DISC1: variants seen among roughly 807,000 people sequenced by gnomAD.
The protein encoded by DISC1 is DISC1 scaffold protein.
A neutral mutation model predicts 84.5 loss-of-function variants in DISC1; 57 were observed. That is an observed-to-expected ratio of 0.67 (90% CI 0.55 to 0.84). The LOEUF is 0.84. Among genes scored for constraint, DISC1 ranks in the 40% least tolerant of loss-of-function variants. The probability of loss-of-function intolerance (pLI) is 0.00; values close to 1 mark genes in which losing one functional copy is unlikely to be tolerated. For missense variants in DISC1, 1,000 were observed against 1,057.8 expected (o/e 0.95, Z 0.76); for synonymous variants, 411 against 415.2 (o/e 0.99, Z 0.12).
At chr1:231,775,576 G>T (rs2076900826) in intron 6 of DISC1, among the ~76,000 whole-genome samples, 1 of 152,192 alleles carries the variant, frequency 6.6e-6, no homozygotes, top group African/African-American at 2.4e-5. Flanking sequence ...TTTTTGAGTA[G>T]AGCCAACAAA....
chr1:231,723,540 G>A (rs56117573), intron 3 of DISC1: 86 of 985,402 alleles, frequency 8.7e-5, no homozygotes, highest in Non-Finnish European at 1.0e-4. Flanking sequence ...ATTTCATATA[G>A]CATGTCTGTT....
In DISC1 at chr1:231,899,458, A is replaced by G. The variant is rs534135905; in HGVS notation, c.1982-59370A>G. On this transcript the variant is annotated intron_variant, in intron 9 of 12. Coordinates refer to ENST00000439617, the MANE Select transcript of DISC1 (RefSeq NM_018662.3). ...TATACATTGGCCCCTTGGCTCATCAAAAGGGTCTTGGTCTATGCTTTGATC... is the reference window on the plus strand; with the variant it reads ...TATACATTGGCCCCTTGGCTCATCAGAAGGGTCTTGGTCTATGCTTTGATC... 3.3e-5 allele frequency among the ~76,000 whole-genome samples: 5 copies of G among 152,296 alleles called. No individual in the cohort carries two copies. In the South Asian group the frequency reaches 1.0e-3, roughly 32 times the overall value.
At position 231,630,219 on chromosome 1, in the gene DISC1, G is replaced by T. The variant is rs529943015; in HGVS notation, c.67+3285G>T. ...GCTGGGATTACAGGCATGAGCCACT[G>T]CGCCGGGCCCTTTAAACAAGATTTA... On this transcript the variant is annotated intron_variant, in intron 1 of 12. Coordinates refer to ENST00000439617, the MANE Select transcript of DISC1 (RefSeq NM_018662.3). This position sits in a 1 kb window ranked among gnomAD's most constrained non-coding sequence, Gnocchi z 4.4. Among the ~76,000 whole-genome samples, 22 of 152,254 alleles carry T rather than the reference G, an allele frequency of 1.4e-4. No individual in the cohort carries two copies. The East Asian group carries it at 4.1e-3, about 28-fold the overall frequency.
intron 3 of DISC1, among the ~76,000 whole-genome samples, chr1:231,710,865 G>T (rs955104259): frequency 6.6e-6 from 1 of 152,126 alleles, no homozygotes; most frequent in African/African-American, 2.4e-5. Context: ...TCCAACATAT[G>T]AATATTGCAG....
chr1:231,694,362 T>C lies in DISC1; in HGVS notation c.604T>C (p.Ser202Pro), dbSNP rs773346712. The C allele has an allele frequency of 5.6e-6, 9 of 1,614,212 alleles. No individual in the cohort carries two copies. In the South Asian group the frequency reaches 9.9e-5, roughly 18 times the overall value. ...GPEVPPTPPGSHSAFTSSFSF... is the reference protein window; with the variant it reads ...GPEVPPTPPGPHSAFTSSFSF... ...TGAGGTCCCCCCAACCCCTCCTGGC[T>C]CTCACAGTGCCTTTACCTCAAGCTT... Residue 202 changes from serine (S) to proline (P), a missense_variant, in exon 2 of 13, where the codon TCT (serine) becomes CCT (proline). Physicochemically the swap from Ser to Pro is moderately conservative, Grantham distance 74 (BLOSUM62 -1). This residue lies in a region of DISC1 where 292 missense variants were observed against 280.2 expected (regional missense o/e 1.04). Transcript: ENST00000439617.
chr1:231,678,802 A>T (rs1242980643), intron 1 of DISC1, among the ~76,000 whole-genome samples: 1 of 152,138 alleles, frequency 6.6e-6, no homozygotes, highest in Non-Finnish European at 1.5e-5. Context: ...AGTAGCTGGG[A>T]CTACAGGCGC....
At chr1:231,866,247 G>A (rs569455300) in intron 9 of DISC1, among the ~76,000 whole-genome samples, 6 of 152,264 alleles carry the variant, frequency 3.9e-5, no homozygotes, top group Non-Finnish European at 8.8e-5. Context: ...CCGGGCCCTA[G>A]AGAACCAGAA....
At chr1:231,795,528 A>T (rs1319760911) in intron 7 of DISC1, among the ~76,000 whole-genome samples, 1 of 152,212 alleles carries the variant, frequency 6.6e-6, no homozygotes, top group Admixed American at 6.5e-5. Flanking sequence ...CCTTTGCTAC[A>T]AAAGGAGCTG....
At chr1:231,762,863 G>A (rs1401831769) in intron 4 of DISC1, among the ~76,000 whole-genome samples, 6 of 152,088 alleles carry the variant, frequency 3.9e-5, no homozygotes, top group Admixed American at 6.5e-5. Context: ...CCCATAGTTC[G>A]CTCCATAGGG....
chr1:231,697,272 C>T (rs1028318904), intron 2 of DISC1, among the ~76,000 whole-genome samples: 14 of 152,186 alleles, frequency 9.2e-5, no homozygotes, highest in Non-Finnish European at 1.8e-4. Flanking sequence ...AACCTCCTCT[C>T]GCTTCTACTT....
intron 11 of DISC1, among the ~76,000 whole-genome samples, chr1:232,017,699 C>T (rs1189806914): frequency 6.6e-6 from 1 of 152,122 alleles, no homozygotes; most frequent in Non-Finnish European, 1.5e-5. Flanking sequence ...AACCCCTCCC[C>T]TGCACCACTG....
At chr1:231,871,764 G>A (rs993028841) in intron 9 of DISC1, among the ~76,000 whole-genome samples, 11 of 152,172 alleles carry the variant, frequency 7.2e-5, no homozygotes, top group East Asian at 1.9e-4. Flanking sequence ...GGGTGCATGC[G>A]TGTGGTATGT....
chr1:231,632,126 A>G (rs2058763270), intron 1 of DISC1, among the ~76,000 whole-genome samples: 1 of 152,192 alleles, frequency 6.6e-6, no homozygotes, highest in African/African-American at 2.4e-5. Context: ...GTAGCCTAGG[A>G]ACAGTAGCTA....
In DISC1 at chr1:232,008,716, A is replaced by G. The variant is rs1558832174; in HGVS notation, c.2043-69A>G. ...CAGCTGACTTTTAGCCAGGTAGACAAGCTATCGACTTGGTATGATGAAACA... is the reference window on the plus strand; with the variant it reads ...CAGCTGACTTTTAGCCAGGTAGACAGGCTATCGACTTGGTATGATGAAACA... On this transcript the variant is annotated intron_variant, in intron 10 of 12. Coordinates refer to ENST00000439617, the MANE Select transcript of DISC1 (RefSeq NM_018662.3). The G allele has an allele frequency of 3.3e-6, 5 of 1,495,714 alleles. No individual in the cohort carries two copies. In the East Asian group the frequency reaches 1.1e-4, roughly 34 times the overall value. The allele number at this position is 1,495,714 out of a possible 1,614,324, so 92.7% of individuals were successfully genotyped here. A position where few individuals can be genotyped will look rare whatever the true frequency, so the allele number is the denominator to read the frequency against.
In DISC1 at chr1:231,673,418, G is replaced by A. The variant is rs939006348; in HGVS notation, c.68-20408G>A. On this transcript the variant is annotated intron_variant, in intron 1 of 12. Transcript: ENST00000439617. ...TAATGCACTATACCCTTGAACTCCT[G>A]GGCTCAAGGAGGCTGGGCTACTCCT... Among the ~76,000 whole-genome samples, 15 of 152,156 alleles carry A rather than the reference G, an allele frequency of 9.9e-5. 1 individual carries two copies. The South Asian group carries it at 2.9e-3, about 29-fold the overall frequency.
chr1:231,805,670 C>G (rs1354164863), intron 8 of DISC1, among the ~76,000 whole-genome samples: 1 of 151,996 alleles, frequency 6.6e-6, no homozygotes, highest in African/African-American at 2.4e-5. Context: ...AATCACCTTC[C>G]ACTGGTGCTA....
intron 12 of DISC1, among the ~76,000 whole-genome samples, chr1:232,036,433 G>T (rs1392498627): frequency 6.6e-6 from 1 of 152,234 alleles, no homozygotes; most frequent in Non-Finnish European, 1.5e-5. Context: ...TCTCTGCTAA[G>T]AGCTGACTCT....
intron 9 of DISC1, among the ~76,000 whole-genome samples, chr1:231,873,420 C>G (rs1383255896): frequency 6.6e-6 from 1 of 152,318 alleles, no homozygotes; most frequent in Middle Eastern, 3.4e-3. Context: ...TCTATGATGT[C>G]CTTTGACTAG....
chr1:231,988,167 C>T (rs999086070), intron 10 of DISC1, among the ~76,000 whole-genome samples: 2 of 152,094 alleles, frequency 1.3e-5, no homozygotes, highest in African/African-American at 4.8e-5. Context: ...GCCTGGGCGA[C>T]AGAGTGAGAC....
Sources: allele counts gnomAD v4.1 joint callset (sites outside exome capture counted in the v4.1 genomes callset), GRCh38; gene constraint gnomAD v4.1.1; regional missense constraint gnomAD v4.1.1; non-coding constraint Gnocchi (gnomAD v3.1); transcripts MANE v1.5; gene names NCBI Gene and HGNC (gene_info 2026-07-23, HGNC 2026-07-21).